Variants in DOCK2 observed in about 807,000 individuals in gnomAD.
DOCK2 encodes the protein dedicator of cytokinesis 2.
In DOCK2, 87 loss-of-function variants were observed where a neutral mutation model predicts 248.9. The observed-to-expected ratio is 0.35, with a 90% confidence interval of 0.29 to 0.42. The LOEUF (loss-of-function observed/expected upper bound fraction) is 0.42. Among genes scored for constraint, DOCK2 ranks in the 10% least tolerant of loss-of-function variants. The pLI is 1.00. For missense variants in DOCK2, 1,747 were observed against 2,300.2 expected (o/e 0.76, Z 4.92); for synonymous variants, 805 against 821.6 (o/e 0.98, Z 0.35).
At chr5:170,074,584 C>T (rs1757781457) in intron 46 of DOCK2, among the ~76,000 whole-genome samples, 1 of 152,226 alleles carries the variant, frequency 6.6e-6, no homozygotes, top group African/African-American at 2.4e-5. Context: ...TGCTACTCTG[C>T]TGGCCATTTG....
chr5:169,637,376 G>A lies in DOCK2; in HGVS notation c.43+7G>A. On this transcript the variant is annotated splice_region_variant and intron_variant, in intron 1 of 51. Transcript: ENST00000520908. Reference sequence around the variant, plus strand: ...AAGGAGCGGCACGGCGTGGGTAGGTGCGGGCCCCAGGGCGCGGCAGGGAGC... The same window carrying A: ...AAGGAGCGGCACGGCGTGGGTAGGTACGGGCCCCAGGGCGCGGCAGGGAGC... The A allele has an allele frequency of 1.4e-6, 2 of 1,401,290 alleles. No individual in the cohort carries two copies. Among genetic ancestry groups the A allele is most frequent in the South Asian group, 3.0e-5 (2 of 65,870 alleles). 86.8% of individuals were successfully genotyped at this position (1,401,290 alleles called of 1,614,324 possible).
At chr5:170,044,385 CT>C (rs374548265) in intron 38 of DOCK2, among the ~76,000 whole-genome samples, 1 of 152,226 alleles carries the variant, frequency 6.6e-6, no homozygotes, top group African/African-American at 2.4e-5. Context: ...AAATTAGTGA[CT>C]GTTGGAGGTC....
intron 14 of DOCK2, among the ~76,000 whole-genome samples, chr5:169,705,463 C>T (rs1236979663): frequency 6.6e-6 from 1 of 152,138 alleles, no homozygotes; most frequent in Non-Finnish European, 1.5e-5. Context: ...GCCAGACAGC[C>T]AGGTGCAAAG....
chr5:169,782,389 C>T (rs923418366), intron 25 of DOCK2, among the ~76,000 whole-genome samples: 4 of 151,916 alleles, frequency 2.6e-5, no homozygotes, highest in African/African-American at 9.7e-5. Flanking sequence ...TCTCCTTATT[C>T]GTGATCAGGT....
At chr5:169,886,958 A>G (rs534284303) in intron 27 of DOCK2, among the ~76,000 whole-genome samples, 1 of 152,272 alleles carries the variant, frequency 6.6e-6, no homozygotes, top group Non-Finnish European at 1.5e-5. Flanking sequence ...ATCCTATGAC[A>G]CTCGTAGAGG....
intron 25 of DOCK2, among the ~76,000 whole-genome samples, chr5:169,800,947 T>TC (rs1344114156): frequency 2.0e-3 from 137 of 66,952 alleles, no homozygotes; most frequent in African/African-American, 7.4e-3. Flanking sequence ...TTTCTTTCTT[T>TC]TTTTTTTTTT....
At chr5:169,749,120 C>T (rs2089877838) in intron 23 of DOCK2, among the ~76,000 whole-genome samples, 1 of 152,236 alleles carries the variant, frequency 6.6e-6, no homozygotes, top group South Asian at 2.1e-4. Context: ...GTACTGCTTT[C>T]CATATTTGAA....
At chr5:169,961,174 A>C (rs1581474752) in intron 27 of DOCK2, among the ~76,000 whole-genome samples, 1 of 152,350 alleles carries the variant, frequency 6.6e-6, no homozygotes, top group East Asian at 1.9e-4. Context: ...CATTGGCCAT[A>C]GATGAGGGGG....
chr5:169,681,297 T>C (rs1296909310), intron 6 of DOCK2, among the ~76,000 whole-genome samples: 5 of 151,984 alleles, frequency 3.3e-5, no homozygotes, highest in Non-Finnish European at 5.9e-5. Flanking sequence ...CTAATTTTTG[T>C]ATTTTTAGTA....
chr5:169,818,938 C>T (rs557291685), intron 26 of DOCK2, among the ~76,000 whole-genome samples: 26 of 152,222 alleles, frequency 1.7e-4, no homozygotes, highest in African/African-American at 6.3e-4. Context: ...TTCATGCATA[C>T]TTTATATTTG....
At chr5:169,747,790 A>C (rs535243850) in intron 23 of DOCK2, among the ~76,000 whole-genome samples, 1 of 152,360 alleles carries the variant, frequency 6.6e-6, no homozygotes, top group Admixed American at 6.5e-5. Flanking sequence ...AGAACAGTTC[A>C]TGGTAGCAGT....
chr5:170,058,921 G>T (rs1488587337), intron 44 of DOCK2, among the ~76,000 whole-genome samples: 1 of 152,134 alleles, frequency 6.6e-6, no homozygotes, highest in African/African-American at 2.4e-5. Context: ...GTATAACAAT[G>T]ATGGTGATAG....
chr5:169,759,115 C>A (rs1433786944), intron 23 of DOCK2, among the ~76,000 whole-genome samples: 1 of 152,154 alleles, frequency 6.6e-6, no homozygotes, highest in Non-Finnish European at 1.5e-5. Flanking sequence ...AGGAAGCAAT[C>A]CACTACAATG....
At chr5:169,865,472 C>T (rs368535421) in intron 27 of DOCK2, among the ~76,000 whole-genome samples, 14 of 152,240 alleles carry the variant, frequency 9.2e-5, no homozygotes, top group East Asian at 3.9e-4. Flanking sequence ...CCCAGAGAGC[C>T]GGGGCAGAAA....
chr5:169,830,143 A>T (rs1343347562), intron 26 of DOCK2, among the ~76,000 whole-genome samples: 1 of 152,246 alleles, frequency 6.6e-6, no homozygotes, highest in Admixed American at 6.5e-5. Context: ...ATCCAGCTCC[A>T]TTGCCTACAG....
chr5:169,698,002 C>A (rs958104334), intron 10 of DOCK2, among the ~76,000 whole-genome samples: 3 of 152,206 alleles, frequency 2.0e-5, no homozygotes, highest in African/African-American at 7.2e-5. Flanking sequence ...GAGACCCAAT[C>A]ACTGCTGTCT....
At position 169,764,030 on chromosome 5, in the gene DOCK2, C is replaced by T. The variant is rs1229238640; in HGVS notation, c.2554+2405C>T. 1.3e-5 allele frequency among the ~76,000 whole-genome samples: 2 copies of T among 152,196 alleles called. No homozygotes were observed. Among genetic ancestry groups the T allele is most frequent in the African/African-American group, 4.8e-5 (2 of 41,458 alleles). On this transcript the variant is annotated intron_variant, in intron 25 of 51. Coordinates refer to ENST00000520908, the MANE Select transcript of DOCK2 (RefSeq NM_004946.3). This position sits in a 1 kb window ranked among gnomAD's most constrained non-coding sequence, Gnocchi z 4.3. The stretch of plus-strand genomic sequence containing the variant: ...ATAAAACCTGAATTCATTATGCTTA[C>T]TAGGTGTCCATCGACCTCGGGTGAG...
chr5:170,001,923 A>G (rs141712743), intron 30 of DOCK2, among the ~76,000 whole-genome samples: 349 of 152,314 alleles, frequency 2.3e-3, no homozygotes, highest in Non-Finnish European at 4.1e-3. Context: ...TTTGCTAGCC[A>G]GTGATTTCCT....
At chr5:169,928,232 G>T (rs549224389) in intron 27 of DOCK2, among the ~76,000 whole-genome samples, 1 of 152,292 alleles carries the variant, frequency 6.6e-6, no homozygotes, top group South Asian at 2.1e-4. Flanking sequence ...AGCAGGAGGG[G>T]TCTACAGTTA....
Sources: gnomAD v4.1 joint callset for allele counts (sites outside exome capture counted in the v4.1 genomes callset) on GRCh38, gnomAD v4.1.1 for gene constraint, Gnocchi (gnomAD v3.1) non-coding constraint, MANE v1.5 for transcripts, NCBI Gene and HGNC (gene_info 2026-07-23, HGNC 2026-07-21) for gene names.